The following PATJ variants were observed in gnomAD, a reference collection of about 807,000 sequenced individuals.
PATJ encodes the protein PATJ crumbs cell polarity complex component, also known as inaD-like protein.
In PATJ, 190 loss-of-function variants were observed where a neutral mutation model predicts 224.9. The observed-to-expected ratio is 0.84, with a 90% CI of 0.75 to 0.95. The LOEUF is 0.95. Ranked by LOEUF, PATJ falls within the 40% of genes least tolerant of loss-of-function variation. The pLI is 0.00. For missense variants in PATJ, 2,121 were observed against 2,270.3 expected (o/e 0.93, Z 1.34); for synonymous variants, 769 against 820.3 (o/e 0.94, Z 1.07).
Position 61,901,294 on chromosome 1 carries a change from T to C in PATJ, c.3216T>C (p.Phe1072=). The part of the protein sequence containing the change: ...HWGPPRIVEI[F]REPNVSLGIS... Reference sequence around the variant, plus strand: ...TTCCTTTATATAGTGTTGAGATTTTTAGAGAACCCAATGTGTCTCTTGGGA... The same window carrying C: ...TTCCTTTATATAGTGTTGAGATTTTCAGAGAACCCAATGTGTCTCTTGGGA... Residue 1072 remains phenylalanine, a synonymous_variant, in exon 24 of 44, where the codon TTT becomes TTC. Transcript: ENST00000642238. 6.5e-7 allele frequency: 1 copy of C among 1,529,692 alleles called. No homozygotes were observed. Among genetic ancestry groups the C allele is most frequent in the Non-Finnish European group, 8.7e-7 (1 of 1,149,362 alleles). 94.8% of individuals were successfully genotyped at this position (1,529,692 alleles called of 1,614,324 possible). A position where few individuals can be genotyped will look rare whatever the true frequency, so the allele number is the denominator to read the frequency against.
At chr1:61,779,849 G>A (rs527893658) in intron 7 of PATJ, among the ~76,000 whole-genome samples, 8 of 152,310 alleles carry the variant, frequency 5.3e-5, no homozygotes, top group Admixed American at 3.3e-4. Context: ...TGCTTCCATG[G>A]TGGAAGGTGA....
chr1:62,153,281 ATCTGTAT>A (rs1668817237), intron 42 of PATJ, 70 bp from the exon 43 acceptor site: 1 of 1,106,346 alleles, frequency 9.0e-7, no homozygotes, highest in Non-Finnish European at 1.1e-6. Flanking sequence ...TCTCTCTCAA[ATCTGTAT>A]TCTTCCAATT....
chr1:61,767,667 C>T (rs1046842989), intron 4 of PATJ, among the ~76,000 whole-genome samples: 4 of 148,394 alleles, frequency 2.7e-5, no homozygotes, highest in Non-Finnish European at 5.9e-5. Flanking sequence ...TTCTTTCTTT[C>T]CTTTTCTTTT....
At chr1:61,903,707 C>T (rs1386541429) in intron 24 of PATJ, among the ~76,000 whole-genome samples, 2 of 151,364 alleles carry the variant, frequency 1.3e-5, no homozygotes, top group African/African-American at 4.9e-5. Context: ...TACTTTTTGC[C>T]TTAAATTCTA....
At chr1:61,830,545 A>C (rs1659121349) in intron 16 of PATJ, among the ~76,000 whole-genome samples, 3 of 151,650 alleles carry the variant, frequency 2.0e-5, no homozygotes, top group Admixed American at 6.5e-5. Flanking sequence ...AATTTTTTGG[A>C]ACCAAAAAAG....
intron 27 of PATJ, among the ~76,000 whole-genome samples, chr1:61,957,079 T>G (rs1680545679): frequency 6.6e-6 from 1 of 152,164 alleles, no homozygotes; most frequent in Non-Finnish European, 1.5e-5. Context: ...AGACTAGGGG[T>G]TTAGCTGTCT....
chr1:62,045,377 TA>T (rs34581533), intron 30 of PATJ, among the ~76,000 whole-genome samples: 20,561 of 151,250 alleles, frequency 0.14, 1,560 homozygotes, highest in South Asian at 0.26. Flanking sequence ...ATGGTGGATA[TA>T]AAAAAAAAGG....
chr1:61,884,233 T>G lies in PATJ; in HGVS notation c.2960-4T>G, dbSNP rs1668491532. ...GTTCACTGTCATCTGGATTTGCTCT[T>G]CAGGCATGATCCCGAATGATGTCCA... On this transcript the variant is annotated splice_region_variant and splice_polypyrimidine_tract_variant and intron_variant, in intron 21 of 43. Transcript: ENST00000642238. 6.3e-7 allele frequency: 1 copy of G among 1,592,400 alleles called. No individual in the cohort carries two copies. Among genetic ancestry groups the G allele is most frequent in the East Asian group, 2.3e-5 (1 of 44,238 alleles).
chr1:61,873,802 C>T (rs1050647145), intron 20 of PATJ, among the ~76,000 whole-genome samples: 3 of 152,198 alleles, frequency 2.0e-5, no homozygotes, highest in African/African-American at 7.2e-5. Context: ...ATGCCCACAG[C>T]AGGCTGGAGA....
intron 25 of PATJ, among the ~76,000 whole-genome samples, chr1:61,911,791 C>A (rs1338368040): frequency 6.8e-6 from 1 of 147,760 alleles, no homozygotes; most frequent in Non-Finnish European, 1.5e-5. Flanking sequence ...TTCTTCAGGA[C>A]AAGGAACACA....
In PATJ at chr1:62,121,257, G is replaced by A. The variant is rs1363979816; in HGVS notation, c.4967G>A (p.Gly1656Asp). 6.2e-7 allele frequency: 1 copy of A among 1,613,064 alleles called. No homozygotes were observed. Among genetic ancestry groups the A allele is most frequent in the Non-Finnish European group, 8.5e-7 (1 of 1,179,880 alleles). Reference protein sequence around the residue: ...PVITGLQNLVGTKRVSDPSQK... With the variant: ...PVITGLQNLVDTKRVSDPSQK... ...ATCACTGGCCTGCAAAACCTGGTTGGCACAAAAAGAGTTTCAGATCCTTCC... is the reference window on the plus strand; with the variant it reads ...ATCACTGGCCTGCAAAACCTGGTTGACACAAAAAGAGTTTCAGATCCTTCC... The change falls in exon 38 of 44, where the codon GGC becomes GAC. Residue 1656 changes from glycine (G) to aspartate (D), a missense_variant. Physicochemically the swap from Gly to Asp is moderately conservative, Grantham distance 94 (BLOSUM62 -1). Transcript: ENST00000642238.
intron 17 of PATJ, among the ~76,000 whole-genome samples, chr1:61,838,818 T>C (rs1398203492): frequency 6.6e-6 from 1 of 152,162 alleles, no homozygotes; most frequent in African/African-American, 2.4e-5. Context: ...ATGTGTAATG[T>C]CTTTATTCCT....
Position 61,773,130 on chromosome 1 carries a change from C to T in PATJ, c.720+1504C>T, listed in dbSNP as rs562613680. On this transcript the variant is annotated intron_variant, in intron 6 of 43. Transcript: ENST00000642238. ...CCGCCTCCTGGGTTCAAGTGATTCT[C>T]CTGCCTCAGCCTCCTAAGTAGCTGG... 7.9e-5 allele frequency among the ~76,000 whole-genome samples: 12 copies of T among 152,216 alleles called. No individual in the cohort carries two copies. The South Asian group carries it at 2.3e-3, about 29-fold the overall frequency.
chr1:61,745,527 G>A (rs1192235559), intron 1 of PATJ, among the ~76,000 whole-genome samples: 1 of 151,830 alleles, frequency 6.6e-6, no homozygotes, highest in Non-Finnish European at 1.5e-5. Context: ...ACCTGTCTTG[G>A]CCTCCCAAAG....
At chr1:61,922,425 G>A (rs1464889648) in intron 26 of PATJ, among the ~76,000 whole-genome samples, 4 of 152,174 alleles carry the variant, frequency 2.6e-5, no homozygotes, top group Non-Finnish European at 4.4e-5. Context: ...TGGAATTTAA[G>A]CTCCATGAGG....
chr1:61,790,951 G>T (rs1649726592), intron 8 of PATJ, among the ~76,000 whole-genome samples: 2 of 152,210 alleles, frequency 1.3e-5, no homozygotes, highest in Admixed American at 1.3e-4. Flanking sequence ...ATAGGACTGA[G>T]GTCCCTTTTT....
intron 21 of PATJ, among the ~76,000 whole-genome samples, chr1:61,882,782 C>T (rs1384964832): frequency 2.6e-5 from 4 of 152,150 alleles, no homozygotes; most frequent in Non-Finnish European, 5.9e-5. Context: ...CCAAGCTGGT[C>T]TTGAATTCTT....
intron 33 of PATJ, among the ~76,000 whole-genome samples, chr1:62,108,186 A>T (rs576076060): frequency 4.8e-4 from 73 of 152,362 alleles, no homozygotes; most frequent in African/African-American, 1.8e-3. Flanking sequence ...TACAGGGTTA[A>T]CAGTAAAACA....
chr1:62,078,529 G>T (rs904848567), intron 31 of PATJ, among the ~76,000 whole-genome samples: 3 of 151,858 alleles, frequency 2.0e-5, no homozygotes, highest in African/African-American at 7.3e-5. Flanking sequence ...CAGGTGATCT[G>T]CCCATCTCAG....
Sources: allele counts gnomAD v4.1 joint callset (sites outside exome capture counted in the v4.1 genomes callset), GRCh38; gene constraint gnomAD v4.1.1; transcripts MANE v1.5; gene names NCBI Gene and HGNC (gene_info 2026-07-23, HGNC 2026-07-21).